The following NRP2 variants were observed in gnomAD, a reference collection of about 807,000 sequenced individuals.
NRP2 encodes the protein neuropilin 2.
In NRP2, 52 loss-of-function variants were observed where a neutral mutation model predicts 110.4. The ratio of observed to expected loss-of-function variants is 0.47; its 90% CI spans 0.38 to 0.59. The LOEUF (loss-of-function observed/expected upper bound fraction) is 0.59, where lower values mean the gene tolerates loss of function less well. NRP2 is among the 20% of genes least tolerant of loss of function. NRP2 has a pLI of 0.00. For synonymous variants in NRP2, 508 were observed against 468.9 expected, an observed-to-expected ratio of 1.08 and a Z score of -1.08; for missense variants, 1,049 against 1,203.0, an observed-to-expected ratio of 0.87 and a Z score of 1.89.
chr2:205,763,659 G>C lies in NRP2; in HGVS notation c.2045-15G>C. 1 of 1,614,120 alleles carries C rather than the reference G, an allele frequency of 6.2e-7. No individual in the cohort carries two copies. The highest frequency in any genetic ancestry group is 8.5e-7 in the Non-Finnish European group (1 of 1,180,024). On this transcript the variant is annotated splice_polypyrimidine_tract_variant and intron_variant, in intron 12 of 16. Transcript: ENST00000357785. The surrounding 1 kb of genome is among the most constrained non-coding windows in gnomAD (Gnocchi z 4.0). ...GTGTTTATGGAGAACCTCTGTTTGG[G>C]TTTGTTTCTGCCAGATGACAGGAAT... is the stretch of plus-strand genomic sequence containing the variant.
At chr2:205,752,454 T>C (rs746317084) in intron 11 of NRP2, 3 of 318,494 alleles carry the variant, frequency 9.4e-6, no homozygotes, top group Non-Finnish European at 1.8e-5. Context: ...GATAATACTT[T>C]TTTTGGGAGC....
At chr2:205,747,616 G>C (rs2057561871) in intron 10 of NRP2, among the ~76,000 whole-genome samples, 1 of 152,056 alleles carries the variant, frequency 6.6e-6, no homozygotes, top group Non-Finnish European at 1.5e-5. Context: ...AATGATGAGA[G>C]TGATGCGTGG....
chr2:205,761,627 A>C (rs1464083457), intron 12 of NRP2: 1 of 152,250 alleles, frequency 6.6e-6, no homozygotes, highest in Non-Finnish European at 1.5e-5. Flanking sequence ...CTAAGAGGAG[A>C]AAAAGCAGCA....
At chr2:205,735,311 A>G (rs1318710382) in intron 7 of NRP2, among the ~76,000 whole-genome samples, 1 of 152,130 alleles carries the variant, frequency 6.6e-6, no homozygotes, top group Non-Finnish European at 1.5e-5. Context: ...CAGTCACTGC[A>G]TATTCTTCAA....
intron 12 of NRP2, among the ~76,000 whole-genome samples, chr2:205,759,958 T>C (rs1559353345): frequency 6.6e-6 from 1 of 152,198 alleles, no homozygotes; most frequent in African/African-American, 2.4e-5. Context: ...TTTAAAAGCT[T>C]AGTGAGTTAG....
intron 7 of NRP2, among the ~76,000 whole-genome samples, chr2:205,728,468 C>T (rs1023459417): frequency 6.6e-6 from 1 of 152,126 alleles, no homozygotes; most frequent in Non-Finnish European, 1.5e-5. Flanking sequence ...GGGCACAAAT[C>T]CTGAGAGGGA....
rs148104821 is a variant in NRP2, at chr2:205,733,839, G to A, written c.1146+5793G>A. 3.8e-3 allele frequency among the ~76,000 whole-genome samples: 570 copies of A among 151,156 alleles called. 3 individuals carry two copies. The highest frequency in any genetic ancestry group is 6.6e-3 in the Non-Finnish European group (448 of 67,874). ...CCTCCTCCCCGCTCCTCCCTGATGC[G>A]TTCCTGTCTCAAATCCTGAAACCCT... On this transcript the variant is annotated intron_variant, in intron 7 of 16. Transcript: ENST00000357785.
chr2:205,739,607 G>C (rs13017571), intron 7 of NRP2, among the ~76,000 whole-genome samples: 50,535 of 151,516 alleles, frequency 0.33, 9,463 homozygotes, highest in South Asian at 0.44. Flanking sequence ...AGAAGTGATG[G>C]TTGGTTAGTT....
chr2:205,739,668 C>T (rs2057405089), intron 7 of NRP2, among the ~76,000 whole-genome samples: 1 of 146,272 alleles, frequency 6.8e-6, no homozygotes. Flanking sequence ...CTCACATATA[C>T]TTTGCTCTAG....
chr2:205,704,544 G>T (rs1190668502), intron 2 of NRP2, among the ~76,000 whole-genome samples: 2 of 152,198 alleles, frequency 1.3e-5, no homozygotes, highest in East Asian at 3.9e-4. Flanking sequence ...GCAGCTGGCT[G>T]CTGGCCCCAC....
chr2:205,745,883 C>T lies in NRP2; in HGVS notation c.1779C>T (p.Asp593=). Residue 593 remains aspartate (D), a synonymous_variant, in exon 10 of 17, where the codon GAC becomes GAT. Coordinates refer to ENST00000357785, the MANE Select transcript of NRP2 (RefSeq NM_003872.3). ...TGCGGCTGGAGGTGCTGGGCTGTGA[C>T]TGGACAGGTAAGATGACATTTCCTC... ...IGMRLEVLGC[D]WTDSKPTVET... 6.2e-7 allele frequency: 1 copy of T among 1,614,188 alleles called. No homozygotes were observed. Among genetic ancestry groups the T allele is most frequent in the East Asian group, 2.2e-5 (1 of 44,874 alleles).
At chr2:205,744,151 T>C (rs1224340662) in intron 9 of NRP2, among the ~76,000 whole-genome samples, 1 of 152,164 alleles carries the variant, frequency 6.6e-6, no homozygotes, top group African/African-American at 2.4e-5. Flanking sequence ...GGTCACACAG[T>C]TCACCTGTGA....
At chr2:205,733,478 G>T (rs1421393295) in intron 7 of NRP2, among the ~76,000 whole-genome samples, 1 of 152,146 alleles carries the variant, frequency 6.6e-6, no homozygotes, top group Non-Finnish European at 1.5e-5. Context: ...CTGGTAGATT[G>T]TCCTGCTCTC....
chr2:205,776,097 G>A (rs752047887), intron 15 of NRP2: 7 of 816,674 alleles, frequency 8.6e-6, no homozygotes, highest in Admixed American at 5.1e-5. Flanking sequence ...GTGCTTGGCA[G>A]GTGCTAAGGA....
chr2:205,726,461 G>A (rs1286787291), intron 6 of NRP2, among the ~76,000 whole-genome samples: 1 of 152,152 alleles, frequency 6.6e-6, no homozygotes, highest in Non-Finnish European at 1.5e-5. Flanking sequence ...GTTTGTTGAG[G>A]TGCTAGCTGC....
At chr2:205,759,083 G>A (rs1575640948) in intron 12 of NRP2, among the ~76,000 whole-genome samples, 1 of 152,310 alleles carries the variant, frequency 6.6e-6, no homozygotes, top group Non-Finnish European at 1.5e-5. Flanking sequence ...ATGTGTGGGT[G>A]CCATGACTTA....
intron 1 of NRP2, among the ~76,000 whole-genome samples, chr2:205,685,183 T>A (rs2056118024): frequency 1.3e-5 from 2 of 151,990 alleles, no homozygotes; most frequent in South Asian, 4.1e-4. Context: ...CCCCCTCCCA[T>A]CCCAATCCCC....
intron 7 of NRP2, among the ~76,000 whole-genome samples, chr2:205,729,413 G>A (rs1027877079): frequency 6.6e-5 from 10 of 152,226 alleles, no homozygotes; most frequent in African/African-American, 1.9e-4. Flanking sequence ...CCAAGCATCC[G>A]TTGGGAATGC....
chr2:205,790,087 G>A (rs935337280), intron 15 of NRP2, among the ~76,000 whole-genome samples: 3 of 152,132 alleles, frequency 2.0e-5, no homozygotes, highest in African/African-American at 7.2e-5. Context: ...ACTCAGGGGA[G>A]CAGTGATTAT....
Sources: allele counts gnomAD v4.1 joint callset (sites outside exome capture counted in the v4.1 genomes callset), GRCh38; gene constraint gnomAD v4.1.1; non-coding constraint Gnocchi (gnomAD v3.1); transcripts MANE v1.5; gene names NCBI Gene and HGNC (gene_info 2026-07-23, HGNC 2026-07-21).